Variants in HEG1 observed in about 807,000 individuals in gnomAD.
HEG1 encodes the protein heart development protein with EGF like domains 1, also known as protein HEG homolog 1.
A neutral mutation model predicts 125.6 loss-of-function variants in HEG1; 56 were observed. The ratio of observed to expected loss-of-function variants is 0.45; its 90% CI spans 0.36 to 0.56. The LOEUF is 0.56. Ranked by LOEUF, HEG1 falls within the 20% of genes least tolerant of loss-of-function variation. The pLI is 0.00. For missense variants in HEG1, 1,523 were observed against 1,670.0 expected, an observed-to-expected ratio of 0.91 and a Z score of 1.53; for synonymous variants, 644 against 668.5, an observed-to-expected ratio of 0.96 and a Z score of 0.57.
In HEG1 at chr3:124,968,800, AG is replaced by A. The variant is rs1936368530; in HGVS notation, c.*1851del. On this transcript the variant is annotated 3_prime_UTR_variant, in exon 17 of 17. Coordinates refer to ENST00000311127, the MANE Select transcript of HEG1 (RefSeq NM_020733.2). ...TTAGGTGCGAGGCCGTGAGCCACAAAGGGCCATTGGTTCTACAGAGAGAGAG... is the reference window on the plus strand; with the variant it reads ...TTAGGTGCGAGGCCGTGAGCCACAAAGGCCATTGGTTCTACAGAGAGAGAG... 1 of 152,230 alleles carries A rather than the reference AG, an allele frequency of 6.6e-6. No individual in the cohort carries two copies. The highest frequency in any genetic ancestry group is 1.5e-5 in the Non-Finnish European group (1 of 68,048). The allele number at this position is 152,230 out of a possible 1,614,324, so 9.4% of individuals were successfully genotyped here.
At chr3:125,001,782 C>G in intron 11 of HEG1, 70 bp downstream of exon 11, 1 of 1,525,582 alleles carries the variant, frequency 6.6e-7, no homozygotes, top group African/African-American at 1.4e-5. Context: ...GCCCTGGATG[C>G]CTTGCATTTC....
intron 1 of HEG1, 97 bp from the exon 2 acceptor site, chr3:125,029,585 G>A: frequency 8.3e-7 from 1 of 1,210,642 alleles, no homozygotes; most frequent in African/African-American, 1.5e-5. Context: ...TCAGTAGAGA[G>A]TGAATTCAAG....
rs779171570 is a variant in HEG1, at chr3:125,019,318, G to A, written c.1532C>T (p.Ser511Leu). 6.2e-7 allele frequency: 1 copy of A among 1,613,720 alleles called. No homozygotes were observed. Among genetic ancestry groups the A allele is most frequent in the Admixed American group, 1.7e-5 (1 of 60,006 alleles). The change falls in exon 5 of 17, where the codon TCA (serine) becomes TTA (leucine). Residue 511 changes from serine to leucine, a missense_variant. Coordinates refer to ENST00000311127, the MANE Select transcript of HEG1 (RefSeq NM_020733.2). ...CAAGCTTTCCGAGGAAGATGTAGAT[G>A]AAGACTCTGAATAACTCCTATCTCC... is the stretch of plus-strand genomic sequence containing the variant. ...ALGDRSYSES[S>L]STSSSESLNS...
intron 12 of HEG1, among the ~76,000 whole-genome samples, chr3:124,992,435 G>A (rs956301564): frequency 6.6e-6 from 1 of 152,314 alleles, no homozygotes; most frequent in African/African-American, 2.4e-5. Context: ...CTGCTGCAAG[G>A]AATGATAAAA....
In HEG1 at chr3:125,019,704, T is replaced by C. The variant is rs181010518; in HGVS notation, c.1253-107A>G. The C allele has an allele frequency of 3.8e-6, 3 of 798,952 alleles. No homozygotes were observed. The East Asian group carries it at 7.4e-5, about 20-fold the overall frequency. The allele number at this position is 798,952 out of a possible 1,614,324, so 49.5% of individuals were successfully genotyped here. A position where few individuals can be genotyped will look rare whatever the true frequency, so the allele number is the denominator to read the frequency against. On this transcript the variant is annotated intron_variant, in intron 4 of 16. Coordinates refer to ENST00000311127, the MANE Select transcript of HEG1 (RefSeq NM_020733.2). ...GGGAAAGATTCTTTGCCAAGGAACC[T>C]GGTATAGTGTTTATTAAATGTATTA...
chr3:125,036,056 A>C (rs142711724), intron 1 of HEG1, among the ~76,000 whole-genome samples: 18 of 151,978 alleles, frequency 1.2e-4, no homozygotes, highest in Non-Finnish European at 2.1e-4. Context: ...CAAAATAAAA[A>C]AAAATTAACC....
At chr3:125,001,765 G>A (rs1415178729) in intron 11 of HEG1, 87 bp downstream of exon 11, 5 of 1,456,060 alleles carry the variant, frequency 3.4e-6, no homozygotes, top group African/African-American at 2.8e-5. Flanking sequence ...GCCTTTCCTG[G>A]GCCTGAGCCC....
rs1188810405 is a variant in HEG1, at chr3:125,009,607, A to G, written c.3193+98T>C. ...TATATTCCTTAAGTTTATACCTTGG[A>G]CAAATACTGATTTTGGTTAGCAAGA... is the stretch of plus-strand genomic sequence containing the variant. On this transcript the variant is annotated intron_variant, in intron 8 of 16. Transcript: ENST00000311127. The G allele has an allele frequency of 2.3e-6, 3 of 1,277,738 alleles. No homozygotes were observed. The Admixed American group carries it at 6.9e-5, about 30-fold the overall frequency. The allele number at this position is 1,277,738 out of a possible 1,614,324, so 79.2% of individuals were successfully genotyped here. A position where few individuals can be genotyped will look rare whatever the true frequency, so the allele number is the denominator to read the frequency against.
At chr3:124,978,383 T>C (rs2133653) in intron 14 of HEG1, among the ~76,000 whole-genome samples, 1 of 151,736 alleles carries the variant, frequency 6.6e-6, no homozygotes, top group African/African-American at 2.4e-5. Flanking sequence ...TCCTGACCTC[T>C]TGATCCACCT....
chr3:125,023,116 C>T (rs1487367939), intron 3 of HEG1, among the ~76,000 whole-genome samples: 1 of 152,114 alleles, frequency 6.6e-6, no homozygotes, highest in Non-Finnish European at 1.5e-5. Context: ...ATTGCTTGAA[C>T]CTGGGAGGTG....
intron 14 of HEG1, among the ~76,000 whole-genome samples, chr3:124,986,071 C>A (rs1236587881): frequency 6.6e-6 from 1 of 152,216 alleles, no homozygotes; most frequent in Non-Finnish European, 1.5e-5. Flanking sequence ...AGCCACTGTG[C>A]CTTGCCCTTT....
At chr3:125,000,103 A>C (rs1198615153) in intron 11 of HEG1, among the ~76,000 whole-genome samples, 1 of 152,214 alleles carries the variant, frequency 6.6e-6, no homozygotes, top group Admixed American at 6.5e-5. Flanking sequence ...AAGACCTGGG[A>C]GGAAAAACAG....
At chr3:125,000,911 T>C (rs1330241436) in intron 11 of HEG1, among the ~76,000 whole-genome samples, 1 of 152,264 alleles carries the variant, frequency 6.6e-6, no homozygotes, top group African/African-American at 2.4e-5. Flanking sequence ...ACTTTGATCA[T>C]GTAGCACGTG....
intron 9 of HEG1, among the ~76,000 whole-genome samples, chr3:125,002,571 C>T (rs1441262364): frequency 6.6e-6 from 1 of 152,184 alleles, no homozygotes; most frequent in Admixed American, 6.5e-5. Flanking sequence ...CAGAATAGCA[C>T]CCTTGGATGC....
At chr3:125,048,002 T>C (rs1937703856) in intron 1 of HEG1, among the ~76,000 whole-genome samples, 1 of 152,168 alleles carries the variant, frequency 6.6e-6, no homozygotes, top group African/African-American at 2.4e-5. Flanking sequence ...CTTCAGCACC[T>C]TCTCTGCACA....
intron 14 of HEG1, among the ~76,000 whole-genome samples, chr3:124,988,684 C>T (rs1378572918): frequency 1.3e-5 from 2 of 152,112 alleles, no homozygotes; most frequent in Non-Finnish European, 2.9e-5. Context: ...TTTGGGAGGC[C>T]GAGGTGGGCG....
chr3:125,001,914 T>G lies in HEG1; in HGVS notation c.3455A>C (p.Asn1152Thr), dbSNP rs1041813099. Residue 1152 changes from asparagine to threonine, a missense_variant, in exon 11 of 17, where the codon AAC (asparagine) becomes ACC (threonine). Physicochemically the swap from Asn to Thr is moderately conservative, Grantham distance 65 (BLOSUM62 0). Transcript: ENST00000311127. Reference protein sequence around the residue: ...DLADRMQKCVNSCKSSAEVCQ... With the variant: ...DLADRMQKCVTSCKSSAEVCQ... ...GACCTCAGCAGAGGACTTGCAGGAG[T>G]TGACACATTTCTGCATCCTATCAGC... 8.7e-6 allele frequency: 14 copies of G among 1,613,722 alleles called. No individual in the cohort carries two copies. Among genetic ancestry groups the G allele is most frequent in the Non-Finnish European group, 1.1e-5 (13 of 1,179,828 alleles).
In HEG1 at chr3:124,992,083, G is replaced by A. The variant is rs773722721; in HGVS notation, c.3653-1097C>T. On this transcript the variant is annotated intron_variant, in intron 12 of 16. Coordinates refer to ENST00000311127, the MANE Select transcript of HEG1 (RefSeq NM_020733.2). ...GCTGACACCCTTCCATGAGAAGGGG[G>A]GGAGCTGTAGGTGACATCTTCTGGG... 2.6e-5 allele frequency among the ~76,000 whole-genome samples: 4 copies of A among 152,184 alleles called. No homozygotes were observed. The East Asian group carries it at 7.7e-4, about 29-fold the overall frequency.
chr3:125,030,580 T>C (rs1014523939), intron 1 of HEG1, among the ~76,000 whole-genome samples: 3 of 152,228 alleles, frequency 2.0e-5, no homozygotes, highest in African/African-American at 4.8e-5. Flanking sequence ...TAAAACAGCA[T>C]GCTTCAAATA....
Sources: allele counts gnomAD v4.1 joint callset (sites outside exome capture counted in the v4.1 genomes callset), GRCh38; gene constraint gnomAD v4.1.1; transcripts MANE v1.5; gene names NCBI Gene and HGNC (gene_info 2026-07-23, HGNC 2026-07-21).